The following SCARA3 variants were observed in gnomAD, a reference collection of about 807,000 sequenced individuals.
SCARA3 encodes scavenger receptor class A member 3, also known as cellular stress response gene protein.
A neutral mutation model predicts 47.0 loss-of-function variants in SCARA3; 39 were observed. The ratio of observed to expected loss-of-function variants is 0.83; its 90% confidence interval spans 0.64 to 1.08. SCARA3 has a LOEUF of 1.08. SCARA3 is among the 50% of genes least tolerant of loss of function. SCARA3 has a pLI of 0.00. For synonymous variants in SCARA3, 356 were observed against 334.1 expected (o/e 1.07, Z -0.71); for missense variants, 724 against 792.3 (o/e 0.91, Z 1.04).
rs35861496 is a variant in SCARA3, at chr8:27,671,651, C to CAT, written c.*301_*302dup. On this transcript the variant is annotated 3_prime_UTR_variant, in exon 6 of 6. Coordinates refer to ENST00000301904, the MANE Select transcript of SCARA3 (RefSeq NM_016240.3). Reference sequence around the variant, plus strand: ...ACAGGCATACATGCATGCACACACACATGCACGCACACACACATGCACACA... The same window carrying CAT: ...ACAGGCATACATGCATGCACACACACATATGCACGCACACACACATGCACACA... 2.0e-4 allele frequency: 220 copies of CAT among 1,123,658 alleles called. 1 individual carries two copies. In the African/African-American group the frequency reaches 3.4e-3, roughly 17 times the overall value. 69.6% of individuals were successfully genotyped at this position (1,123,658 alleles called of 1,614,324 possible).
At chr8:27,655,345 A>G (rs532006672) in intron 3 of SCARA3, among the ~76,000 whole-genome samples, 6 of 152,104 alleles carry the variant, frequency 3.9e-5, no homozygotes, top group Admixed American at 6.5e-5. Flanking sequence ...CTTGACCTTA[A>G]GAGGATCTGT....
At chr8:27,720,518 G>A in the SCARA3 span, among the ~76,000 whole-genome samples, 1 of 152,172 alleles carries the variant, frequency 6.6e-6, no homozygotes, top group South Asian at 2.1e-4. Context: ...AAAGAGTACT[G>A]GCTTAGGAAT....
chr8:27,688,639 G>T, the SCARA3 span, among the ~76,000 whole-genome samples: 2 of 152,250 alleles, frequency 1.3e-5, no homozygotes, highest in South Asian at 4.1e-4. Flanking sequence ...GAAGTCAGGG[G>T]TAGGGAGAGA....
the SCARA3 span, among the ~76,000 whole-genome samples, chr8:27,717,297 T>C: frequency 6.6e-6 from 1 of 152,096 alleles, no homozygotes; most frequent in Non-Finnish European, 1.5e-5. Flanking sequence ...GGTATAGCTA[T>C]AGATGTGGGT....
chr8:27,706,136 C>T, the SCARA3 span, among the ~76,000 whole-genome samples: 1 of 151,988 alleles, frequency 6.6e-6, no homozygotes, highest in African/African-American at 2.4e-5. Context: ...GTATAGCATG[C>T]TTGAGTTTAT....
downstream of SCARA3, among the ~76,000 whole-genome samples, chr8:27,674,538 C>T (rs927785734): frequency 6.6e-6 from 1 of 152,154 alleles, no homozygotes; most frequent in East Asian, 1.9e-4. Flanking sequence ...TTCTCCTGCC[C>T]TGCTCGGTTA....
At chr8:27,638,062 C>T (rs952852589) in intron 1 of SCARA3, among the ~76,000 whole-genome samples, 2 of 152,112 alleles carry the variant, frequency 1.3e-5, no homozygotes, top group South Asian at 2.1e-4. Flanking sequence ...CCCACTCCCA[C>T]CCCCAGCCAA....
At chr8:27,660,473 G>T (rs1022111249) in intron 5 of SCARA3, among the ~76,000 whole-genome samples, 1 of 147,354 alleles carries the variant, frequency 6.8e-6, no homozygotes, top group Admixed American at 6.9e-5. Context: ...AGAGATAGAT[G>T]ATAGGGATGA....
Position 27,658,715 on chromosome 8 carries a change from A to T in SCARA3, c.545A>T (p.Asn182Ile), listed in dbSNP as rs781301516. ...GSCSFSIHQV[N>I]QSLGLFLAQV... ...TGCTCCTTCTCCATCCACCAGGTTAACCAGTCTCTGGGGCTCTTCCTGGCC... is the reference window on the plus strand; with the variant it reads ...TGCTCCTTCTCCATCCACCAGGTTATCCAGTCTCTGGGGCTCTTCCTGGCC... The change falls in exon 5 of 6, where the codon AAC becomes ATC. Residue 182 changes from asparagine (N) to isoleucine (I), a missense_variant. By Grantham distance (149) the Asn-to-Ile change is moderately radical. Transcript: ENST00000301904. 4.3e-6 allele frequency: 7 copies of T among 1,614,102 alleles called. No individual in the cohort carries two copies. Among genetic ancestry groups the T allele is most frequent in the Non-Finnish European group, 5.1e-6 (6 of 1,179,982 alleles).
intron 5 of SCARA3, among the ~76,000 whole-genome samples, chr8:27,666,573 G>A (rs1018092177): frequency 2.6e-5 from 4 of 152,322 alleles, no homozygotes; most frequent in African/African-American, 7.2e-5. Flanking sequence ...CCCCAGCCAC[G>A]CGCTTTGCTA....
intron 5 of SCARA3, among the ~76,000 whole-genome samples, chr8:27,664,812 G>A (rs975758429): frequency 1.3e-5 from 2 of 152,022 alleles, no homozygotes; most frequent in Non-Finnish European, 2.9e-5. Flanking sequence ...CTAGTCATGC[G>A]TGGAGAGCAA....
the SCARA3 span, among the ~76,000 whole-genome samples, chr8:27,686,965 GC>G: frequency 6.6e-6 from 1 of 151,992 alleles, no homozygotes; most frequent in Non-Finnish European, 1.5e-5. Context: ...CCCTCGACAG[GC>G]CCCATTGTGA....
In SCARA3 at chr8:27,668,829, C is replaced by G. The variant is rs911931110; in HGVS notation, c.1370-2071C>G. On this transcript the variant is annotated intron_variant, in intron 5 of 5. Transcript: ENST00000301904. ...ATTCCAGCCACAACAGAGGAAGACC[C>G]TGTCTCGGAAAAAGAAAGAAATCCT... 3.9e-5 allele frequency among the ~76,000 whole-genome samples: 6 copies of G among 152,322 alleles called. No individual in the cohort carries two copies. In the East Asian group the frequency reaches 1.2e-3, roughly 29 times the overall value.
the SCARA3 span, among the ~76,000 whole-genome samples, chr8:27,707,218 G>A: frequency 1.3e-5 from 2 of 152,154 alleles, no homozygotes; most frequent in African/African-American, 4.8e-5. Flanking sequence ...AAACTGAAGA[G>A]TCTACAAGGA....
chr8:27,696,878 G>A, the SCARA3 span, among the ~76,000 whole-genome samples: 2 of 152,136 alleles, frequency 1.3e-5, no homozygotes, highest in Non-Finnish European at 2.9e-5. Flanking sequence ...CATTGCCAGG[G>A]GCAGTGATGG....
At chr8:27,675,323 A>G (rs1031930438), downstream of SCARA3, among the ~76,000 whole-genome samples, 1 of 152,144 alleles carries the variant, frequency 6.6e-6, no homozygotes, top group Non-Finnish European at 1.5e-5. Context: ...ACCACAGTGA[A>G]CTTTCCAGTG....
chr8:27,691,291 G>C, the SCARA3 span, among the ~76,000 whole-genome samples: 17 of 152,224 alleles, frequency 1.1e-4, no homozygotes, highest in African/African-American at 4.1e-4. Context: ...TAAGGATCAT[G>C]CGTCTGGACC....
Position 27,671,622 on chromosome 8 carries a change from A to C in SCARA3, c.*271A>C. 1 of 1,168,606 alleles carries C rather than the reference A, an allele frequency of 8.6e-7. No homozygotes were observed. Among genetic ancestry groups the C allele is most frequent in the Non-Finnish European group, 1.1e-6 (1 of 939,580 alleles). 72.4% of individuals were successfully genotyped at this position (1,168,606 alleles called of 1,614,324 possible). ...TGCACACATACACATGCATGCACAC[A>C]TACACAGGCATACATGCATGCACAC... On this transcript the variant is annotated 3_prime_UTR_variant, in exon 6 of 6. Coordinates refer to ENST00000301904, the MANE Select transcript of SCARA3 (RefSeq NM_016240.3).
downstream of SCARA3, among the ~76,000 whole-genome samples, chr8:27,680,863 G>T (rs1476639681): frequency 2.0e-5 from 3 of 152,078 alleles, no homozygotes. Flanking sequence ...AATCAATATA[G>T]TTTGTCATAT....
Sources: allele counts gnomAD v4.1 joint callset (sites outside exome capture counted in the v4.1 genomes callset), GRCh38; gene constraint gnomAD v4.1.1; transcripts MANE v1.5; gene names NCBI Gene and HGNC (gene_info 2026-07-23, HGNC 2026-07-21).